Variants in ARHGAP24 observed in about 807,000 individuals in gnomAD.
The protein encoded by ARHGAP24 is Rho GTPase activating protein 24.
In ARHGAP24, 50 loss-of-function variants were observed where a neutral mutation model predicts 76.4. The ratio of observed to expected loss-of-function variants is 0.65; its 90% CI spans 0.52 to 0.83. The LOEUF (loss-of-function observed/expected upper bound fraction) is 0.83, where lower values mean the gene tolerates loss of function less well. Ranked by LOEUF, ARHGAP24 falls within the 40% of genes least tolerant of loss-of-function variation. The pLI is 0.00. For synonymous variants in ARHGAP24, 345 were observed against 323.3 expected (o/e 1.07, Z -0.72); for missense variants, 930 against 914.2 (o/e 1.02, Z -0.22).
intron 9 of ARHGAP24, among the ~76,000 whole-genome samples, chr4:85,995,936 TC>T (rs1740634823): frequency 6.6e-6 from 1 of 152,178 alleles, no homozygotes; most frequent in African/African-American, 2.4e-5. Context: ...AATAATGTCA[TC>T]TTTGATTATT....
intron 2 of ARHGAP24, among the ~76,000 whole-genome samples, chr4:85,683,232 G>A (rs1723293470): frequency 6.6e-6 from 1 of 151,710 alleles, no homozygotes; most frequent in African/African-American, 2.4e-5. Context: ...TGAGGAGCAT[G>A]GTAGGGAAAG....
intron 3 of ARHGAP24, among the ~76,000 whole-genome samples, chr4:85,761,728 G>C (rs2110073383): frequency 6.6e-6 from 1 of 152,294 alleles, no homozygotes; most frequent in African/African-American, 2.4e-5. Flanking sequence ...TTTTCCGTGA[G>C]ATGTAATGAA....
rs768492738 is a variant in ARHGAP24 at position 85,477,688 on chromosome 4, T to C, written c.-21+2129T>C. Among the ~76,000 whole-genome samples the C allele has an allele frequency of 5.6e-4, 85 of 152,164 alleles. 1 individual carries two copies. Among genetic ancestry groups the C allele is most frequent in the African/African-American group, 2.0e-3 (84 of 41,450 alleles). ...TCCGAGTATGATTACTTTGCTGTCTTAGCCAAAGCCCTGTTGGTGTTTACC... is the reference window on the plus strand; with the variant it reads ...TCCGAGTATGATTACTTTGCTGTCTCAGCCAAAGCCCTGTTGGTGTTTACC... On this transcript the variant is annotated intron_variant, in intron 1 of 9. Coordinates refer to ENST00000395184, the MANE Select transcript of ARHGAP24 (RefSeq NM_001025616.3).
At chr4:85,570,824 TCTC>T in intron 2 of ARHGAP24, 103 bp downstream of exon 2, 1 of 1,266,734 alleles carries the variant, frequency 7.9e-7, no homozygotes, top group Non-Finnish European at 1.1e-6. Flanking sequence ...AGCTCCCTGG[TCTC>T]CTTCAGTTCA....
chr4:85,550,843 C>A (rs767085135), intron 1 of ARHGAP24, among the ~76,000 whole-genome samples: 7 of 152,028 alleles, frequency 4.6e-5, no homozygotes, highest in Non-Finnish European at 8.8e-5. Context: ...TGATCTGGCT[C>A]TCAGCTTAAA....
intron 1 of ARHGAP24, among the ~76,000 whole-genome samples, chr4:85,489,429 T>A (rs1396276241): frequency 1.3e-5 from 2 of 152,106 alleles, no homozygotes; most frequent in African/African-American, 4.8e-5. Context: ...TTCCAGGGAG[T>A]ATCCTTAGCT....
At chr4:85,638,139 A>G (rs1721394267) in intron 2 of ARHGAP24, among the ~76,000 whole-genome samples, 1 of 152,154 alleles carries the variant, frequency 6.6e-6, no homozygotes, top group Non-Finnish European at 1.5e-5. Flanking sequence ...GTGGTCTTGT[A>G]TGTTCATGAC....
intron 1 of ARHGAP24, among the ~76,000 whole-genome samples, chr4:85,518,268 A>G (rs1286383386): frequency 6.6e-6 from 1 of 152,182 alleles, no homozygotes; most frequent in Non-Finnish European, 1.5e-5. Flanking sequence ...TTAGCTAACT[A>G]GGAAAATTGA....
intron 3 of ARHGAP24, among the ~76,000 whole-genome samples, chr4:85,823,838 G>T (rs1440954980): frequency 2.0e-5 from 3 of 150,402 alleles, no homozygotes; most frequent in Non-Finnish European, 4.4e-5. Context: ...TTCTTCCCTA[G>T]CTCCCTCCCT....
At chr4:85,850,461 C>T (rs1369478865) in intron 3 of ARHGAP24, among the ~76,000 whole-genome samples, 1 of 152,080 alleles carries the variant, frequency 6.6e-6, no homozygotes, top group Non-Finnish European at 1.5e-5. Flanking sequence ...CAGTTCTGCT[C>T]TGATCTTAGT....
At chr4:85,713,946 A>G (rs181468625) in intron 2 of ARHGAP24, among the ~76,000 whole-genome samples, 185 of 152,288 alleles carry the variant, frequency 1.2e-3, no homozygotes, top group African/African-American at 4.3e-3. Flanking sequence ...CATGTATATT[A>G]AGAAAGCTAA....
intron 2 of ARHGAP24, among the ~76,000 whole-genome samples, chr4:85,611,025 A>G (rs1264650521): frequency 2.6e-5 from 4 of 152,228 alleles, no homozygotes; most frequent in Non-Finnish European, 4.4e-5. Flanking sequence ...ATAGGAAAAC[A>G]TGAATCCATT....
chr4:85,849,149 A>C (rs1164005585), intron 3 of ARHGAP24, among the ~76,000 whole-genome samples: 1 of 145,820 alleles, frequency 6.9e-6, no homozygotes, highest in Non-Finnish European at 1.5e-5. Context: ...GTTCTCCTTG[A>C]AGAGGTCCTT....
intron 3 of ARHGAP24, among the ~76,000 whole-genome samples, chr4:85,771,688 C>CT (rs746251534): frequency 2.6e-5 from 4 of 152,194 alleles, no homozygotes; most frequent in Admixed American, 2.6e-4. Flanking sequence ...TTCTATACCT[C>CT]TTTTTTTGTT....
intron 3 of ARHGAP24, among the ~76,000 whole-genome samples, chr4:85,767,939 G>T (rs975698928): frequency 3.9e-5 from 6 of 152,180 alleles, no homozygotes; most frequent in Non-Finnish European, 8.8e-5. Context: ...GGAAATGGTT[G>T]TTGGGGAAAG....
intron 1 of ARHGAP24, among the ~76,000 whole-genome samples, chr4:85,538,924 T>A (rs1397081397): frequency 6.6e-6 from 1 of 152,206 alleles, no homozygotes; most frequent in Non-Finnish European, 1.5e-5. Context: ...TTACTTTACA[T>A]TACTAATGAC....
At chr4:85,700,947 C>T (rs2110025889) in intron 2 of ARHGAP24, among the ~76,000 whole-genome samples, 1 of 152,212 alleles carries the variant, frequency 6.6e-6, no homozygotes, top group Non-Finnish European at 1.5e-5. Context: ...TTTATGTAGA[C>T]ATAATTTCCA....
intron 3 of ARHGAP24, among the ~76,000 whole-genome samples, chr4:85,861,399 A>G (rs559679550): frequency 3.4e-4 from 52 of 152,218 alleles, no homozygotes; most frequent in Middle Eastern, 3.4e-3. Flanking sequence ...CGTTTTGTAG[A>G]TGTTAATCTT....
chr4:85,666,627 T>C (rs1722630265), intron 2 of ARHGAP24, among the ~76,000 whole-genome samples: 1 of 152,204 alleles, frequency 6.6e-6, no homozygotes, highest in Admixed American at 6.5e-5. Flanking sequence ...TTTGTGGGTT[T>C]ATCTACTTTT....
Sources: gnomAD v4.1 joint callset for allele counts (sites outside exome capture counted in the v4.1 genomes callset) on GRCh38, gnomAD v4.1.1 for gene constraint, MANE v1.5 for transcripts, NCBI Gene and HGNC (gene_info 2026-07-23, HGNC 2026-07-21) for gene names.